PGAP6: variants seen among roughly 807,000 people sequenced by gnomAD.
The protein encoded by PGAP6 is post-GPI attachment to proteins 6, also known as post-GPI attachment to proteins factor 6.
PGAP6 carries 62 observed loss-of-function variants against 68.4 expected under a neutral mutation model. The ratio of observed to expected loss-of-function variants is 0.91; its 90% confidence interval spans 0.74 to 1.12. PGAP6 has a LOEUF of 1.12. Ranked by LOEUF, PGAP6 falls within the 50% of genes most tolerant of loss-of-function variation. PGAP6 has a pLI of 0.00. For missense variants in PGAP6, 1,188 were observed against 1,068.5 expected, an observed-to-expected ratio of 1.11 and a Z score of -1.56; for synonymous variants, 575 against 474.0, an observed-to-expected ratio of 1.21 and a Z score of -2.77.
At chr16:374,550 C>T (rs1238940097) in intron 9 of PGAP6, 151 bp from the exon 10 acceptor site, 9 of 1,125,174 alleles carry the variant, frequency 8.0e-6, no homozygotes, top group African/African-American at 4.7e-5. Flanking sequence ...GGAGGCAGTA[C>T]CACCCCCCGG....
chr16:375,984 G>C (rs1597160671), intron 6 of PGAP6, 152 bp downstream of exon 6: 1 of 796,258 alleles, frequency 1.3e-6, no homozygotes, highest in Non-Finnish European at 1.9e-6. Flanking sequence ...CCCAGCAGGG[G>C]AGGCCCCCCA....
chr16:373,698 C>G (rs1465565936), intron 11 of PGAP6, among the ~76,000 whole-genome samples: 3 of 152,242 alleles, frequency 2.0e-5, no homozygotes, highest in Non-Finnish European at 4.4e-5. Flanking sequence ...TACCACTACG[C>G]TCGGCTAACT....
At chr16:375,030 T>C in intron 8 of PGAP6, 103 bp downstream of exon 8, 5 of 1,575,136 alleles carry the variant, frequency 3.2e-6, no homozygotes, top group Non-Finnish European at 4.3e-6. Flanking sequence ...GAAGCACCCC[T>C]CTAGCTGGGT....
At position 375,123 on chromosome 16, in the gene PGAP6, G is replaced by A. The variant is rs1567323561; in HGVS notation, c.1439+10C>T. On this transcript the variant is annotated intron_variant, in intron 8 of 12. Transcript: ENST00000431232. ...TGCCTGGCCCCCGTCTCTGCCCTAG[G>A]TTTACTTACTCAGCATTCTCAGGGC... 1 of 1,612,918 alleles carries A rather than the reference G, an allele frequency of 6.2e-7. No homozygotes were observed. The highest frequency in any genetic ancestry group is 1.7e-5 in the Admixed American group (1 of 59,964).
At chr16:372,813 A>C (rs1597157352) in intron 11 of PGAP6, 86 bp from the exon 12 acceptor site, 1 of 935,554 alleles carries the variant, frequency 1.1e-6, no homozygotes, top group East Asian at 2.5e-5. Flanking sequence ...GCCCCACAGC[A>C]CCTCTGCCTG....
At chr16:383,302 C>T (rs1421945568), upstream of PGAP6, 1 of 152,234 alleles carries the variant, frequency 6.6e-6, no homozygotes, top group African/African-American at 2.4e-5. Flanking sequence ...GAGACTGTGG[C>T]CCACAGACAC....
chr16:382,040 G>C (rs2054445590), upstream of PGAP6: 1 of 660,790 alleles, frequency 1.5e-6, no homozygotes, highest in Non-Finnish European at 1.9e-6. Context: ...TCGGGGGGCG[G>C]GACCGGGGGG....
chr16:377,833 G>A lies in PGAP6; in HGVS notation c.137C>T (p.Ser46Phe), dbSNP rs2054400785. The A allele has an allele frequency of 1.9e-6, 3 of 1,559,972 alleles. No individual in the cohort carries two copies. Among genetic ancestry groups the A allele is most frequent in the South Asian group, 1.2e-5 (1 of 84,740 alleles). The change falls in exon 2 of 13, where the codon TCC becomes TTC. Residue 46 changes from serine (S) to phenylalanine (F), a missense_variant. By Grantham distance (155) the Ser-to-Phe change is radical (BLOSUM62 -2). Coordinates refer to ENST00000431232, the MANE Select transcript of PGAP6 (RefSeq NM_021259.3). ...CTGCGGGGCCTGCGAGAAGTGCTCG[G>A]ACACCAGCCCCACCTCTGTGAGGAG... ...YSGKSEVGLV[S>F]EHFSQAPQRL...
intron 9 of PGAP6, 85 bp downstream of exon 9, chr16:374,671 G>GGC: frequency 6.4e-7 from 1 of 1,557,320 alleles, no homozygotes; most frequent in Non-Finnish European, 8.7e-7. Context: ...AGCCCCTTGC[G>GGC]GCGCTCCCCC....
At chr16:386,966 A>G, upstream of PGAP6, 2 of 568,726 alleles carry the variant, frequency 3.5e-6, no homozygotes, top group South Asian at 2.7e-5. Flanking sequence ...CCCCCAGGAG[A>G]AACAAGCTTG....
Position 376,633 on chromosome 16 carries a change from G to C in PGAP6, c.815C>G (p.Pro272Arg). 6.2e-7 allele frequency: 1 copy of C among 1,604,006 alleles called. No homozygotes were observed. The highest frequency in any genetic ancestry group is 8.5e-7 in the Non-Finnish European group (1 of 1,175,046). ...PWPCRLLLPS[P>R]PWDRWLQVTA... ...CACTTGCAGCCACCGGTCCCAGGGC[G>C]GTGAGGGCAGCAGCAGGCGGCAGGG... Residue 272 changes from proline (P) to arginine (R), a missense_variant, in exon 5 of 13, where the codon CCG becomes CGG. Pro to Arg is a moderately radical substitution (Grantham distance 103). Coordinates refer to ENST00000431232, the MANE Select transcript of PGAP6 (RefSeq NM_021259.3).
upstream of PGAP6, among the ~76,000 whole-genome samples, chr16:384,842 C>T (rs1409562116): frequency 8.3e-5 from 11 of 132,306 alleles, no homozygotes; most frequent in African/African-American, 2.3e-4. Context: ...GGCGACAGAG[C>T]GAGACTCCAT....
In PGAP6 at chr16:377,798, A is replaced by G. The variant is rs1364150958; in HGVS notation, c.172T>C (p.Phe58Leu). The G allele has an allele frequency of 6.3e-7, 1 of 1,577,740 alleles. No individual in the cohort carries two copies. The highest frequency in any genetic ancestry group is 1.8e-5 in the Admixed American group (1 of 54,492). The change falls in exon 2 of 13, where the codon TTC becomes CTC. Residue 58 changes from phenylalanine to leucine, a missense_variant. Transcript: ENST00000431232. ...HFSQAPQRLS[F>L]YSWYGSARLF... ...CTGGCACTGCCGTACCAGCTGTAGA[A>G]GGACAGCCTCTGCGGGGCCTGCGAG...
In PGAP6 at chr16:375,693, G is replaced by A. The variant is rs530324970; in HGVS notation, c.1225-258C>T. 2.6e-3 allele frequency among the ~76,000 whole-genome samples: 396 copies of A among 152,242 alleles called. 1 individual carries two copies. Among genetic ancestry groups the A allele is most frequent in the African/African-American group, 8.7e-3 (363 of 41,566 alleles). On this transcript the variant is annotated intron_variant, in intron 6 of 12. Coordinates refer to ENST00000431232, the MANE Select transcript of PGAP6 (RefSeq NM_021259.3). ...ACTACAGGCGCCCGCCACCACGCCC[G>A]GCTAATTTTTGTATTTTCAGTAGAG...
At chr16:375,472 C>T (rs754019228) in intron 6 of PGAP6, 37 bp from the exon 7 acceptor site, 3 of 1,591,652 alleles carry the variant, frequency 1.9e-6, no homozygotes, top group Non-Finnish European at 2.6e-6. Context: ...GCTCCAGCAG[C>T]CCCTGGCCGC....
intron 1 of PGAP6, 98 bp from the exon 2 acceptor site, chr16:377,946 G>C (rs554772606): frequency 3.3e-5 from 37 of 1,116,778 alleles, no homozygotes; most frequent in Non-Finnish European, 4.4e-5. Context: ...GGAAGCCCCC[G>C]GGGACCCACC....
chr16:375,168 G>GTACC lies in PGAP6; in HGVS notation c.1400_1403dup (p.Tyr468Ter). On this transcript the variant is annotated stop_gained and frameshift_variant, in exon 8 of 13. Transcript: ENST00000431232. LOFTEE classifies it high-confidence loss of function. ...CAGGGCACATGAGCTGCAGGGAGAG[G>GTACC]TACCAGTTGTCTGTCTCTGGGTAGG... The GTACC allele has an allele frequency of 6.2e-7, 1 of 1,613,508 alleles. No homozygotes were observed.
At position 373,997 on chromosome 16, in the gene PGAP6, C is replaced by A; in HGVS notation, c.1902+8G>T. On this transcript the variant is annotated splice_region_variant and intron_variant, in intron 11 of 12. Transcript: ENST00000431232. The stretch of plus-strand genomic sequence containing the variant: ...CGGAGCCCACACCCCACGTCGAGGG[C>A]CACTCACGTATTTCAGGACTGTCTT... 5 of 1,602,222 alleles carry A rather than the reference C, an allele frequency of 3.1e-6. No homozygotes were observed. Among genetic ancestry groups the A allele is most frequent in the Non-Finnish European group, 4.3e-6 (5 of 1,175,146 alleles).
chr16:379,691 T>C (rs112436941), intron 1 of PGAP6, among the ~76,000 whole-genome samples: 1,715 of 152,286 alleles, frequency 0.011, 25 homozygotes, highest in African/African-American at 0.039. Context: ...AGCTGGTGGC[T>C]GTGAAGTTTC....
Sources: gnomAD v4.1 joint callset for allele counts (sites outside exome capture counted in the v4.1 genomes callset) on GRCh38, gnomAD v4.1.1 for gene constraint, MANE v1.5 for transcripts, NCBI Gene and HGNC (gene_info 2026-07-23, HGNC 2026-07-21) for gene names.